The following MECOM variants were observed in gnomAD, a reference collection of about 807,000 sequenced individuals.
MECOM encodes the protein histone-lysine N-methyltransferase MECOM.
Under a neutral mutation model 116.3 loss-of-function variants are expected in MECOM, and 13 were observed. The ratio of observed to expected loss-of-function variants is 0.11; its 90% CI spans 0.07 to 0.18. MECOM has a LOEUF of 0.18. Ranked by LOEUF, MECOM falls within the 10% of genes least tolerant of loss-of-function variation. The probability of loss-of-function intolerance (pLI) is 1.00; values close to 1 mark genes in which losing one functional copy is unlikely to be tolerated. For missense variants in MECOM, 1,299 were observed against 1,509.0 expected (o/e 0.86, Z 2.31); for synonymous variants, 528 against 535.2 (o/e 0.99, Z 0.19).
chr3:169,599,669 A>C (rs1042376326), intron 1 of MECOM, among the ~76,000 whole-genome samples: 4 of 152,190 alleles, frequency 2.6e-5, no homozygotes, highest in Non-Finnish European at 5.9e-5. Context: ...TCTCACTGGG[A>C]ATGGTTGAGA....
chr3:169,596,316 AAAC>A (rs982860562), intron 1 of MECOM, among the ~76,000 whole-genome samples: 1 of 152,194 alleles, frequency 6.6e-6, no homozygotes, highest in African/African-American at 2.4e-5. Flanking sequence ...ACAGAACATG[AAAC>A]AAGAGAAGGA....
chr3:169,274,045 G>A (rs2149663512), intron 2 of MECOM, among the ~76,000 whole-genome samples: 2 of 151,592 alleles, frequency 1.3e-5, no homozygotes, highest in Middle Eastern at 6.8e-3. Context: ...CCAAGTAGCT[G>A]GGATTACAGG....
intron 2 of MECOM, among the ~76,000 whole-genome samples, chr3:169,295,614 A>T (rs1334764865): frequency 6.6e-6 from 1 of 152,208 alleles, no homozygotes; most frequent in African/African-American, 2.4e-5. Flanking sequence ...ATAAACTAGT[A>T]GCATTCTCTC....
At chr3:169,438,720 A>G (rs1217678593) in intron 1 of MECOM, among the ~76,000 whole-genome samples, 1 of 152,200 alleles carries the variant, frequency 6.6e-6, no homozygotes, top group Non-Finnish European at 1.5e-5. Flanking sequence ...CACAGCCAGC[A>G]CGTGAAGAAA....
At chr3:169,216,577 T>TAAAAAAAAAAAA (rs527868465) in intron 2 of MECOM, among the ~76,000 whole-genome samples, 1 of 133,800 alleles carries the variant, frequency 7.5e-6, no homozygotes. Context: ...CCTTCTCTAG[T>TAAAAAAAAAAAA]AAAAAAAAAA....
At chr3:169,412,192 G>A (rs12629435) in intron 1 of MECOM, among the ~76,000 whole-genome samples, 6,679 of 149,810 alleles carry the variant, frequency 0.045, 455 homozygotes, top group Admixed American at 0.19. Flanking sequence ...AGGCTGAGGC[G>A]GGAAAATCAC....
At chr3:169,443,294 A>G (rs1382047709) in intron 1 of MECOM, among the ~76,000 whole-genome samples, 1 of 151,782 alleles carries the variant, frequency 6.6e-6, no homozygotes, top group East Asian at 1.9e-4. Context: ...TCCCTTCATT[A>G]CCCTCACTCA....
rs138555993 is a variant in MECOM at position 169,340,695 on chromosome 3, A to C, written c.375+40492T>G. ...TTCTACACAATTAAAATGTTTTAAA[A>C]ATACATTTAGCCATTTGTTACTAAA... On this transcript the variant is annotated intron_variant, in intron 2 of 16. Coordinates refer to ENST00000651503, the MANE Select transcript of MECOM (RefSeq NM_004991.4). 7.5e-4 allele frequency among the ~76,000 whole-genome samples: 115 copies of C among 152,334 alleles called. 1 individual carries two copies. The highest frequency in any genetic ancestry group is 2.6e-3 in the African/African-American group (107 of 41,586).
chr3:169,343,618 G>A (rs940606934), intron 2 of MECOM, among the ~76,000 whole-genome samples: 7 of 152,150 alleles, frequency 4.6e-5, no homozygotes. Flanking sequence ...ATAGAAAATT[G>A]TCAGTGTTGC....
At chr3:169,542,993 G>T (rs146263216) in intron 1 of MECOM, among the ~76,000 whole-genome samples, 4 of 152,186 alleles carry the variant, frequency 2.6e-5, no homozygotes, top group Admixed American at 6.5e-5. Flanking sequence ...TCTATTTTCC[G>T]AAAGTCAACA....
chr3:169,538,203 A>T (rs1200371558), intron 1 of MECOM, among the ~76,000 whole-genome samples: 2 of 152,198 alleles, frequency 1.3e-5, no homozygotes, highest in East Asian at 3.8e-4. Flanking sequence ...GCCTCCAGTC[A>T]AATAAAACTT....
intron 1 of MECOM, among the ~76,000 whole-genome samples, chr3:169,645,587 A>G (rs534122451): frequency 1.3e-5 from 2 of 152,154 alleles, no homozygotes; most frequent in African/African-American, 4.8e-5. Context: ...ACAAACATCC[A>G]CTCTCTTTGA....
chr3:169,089,199 G>T lies in MECOM; in HGVS notation c.3402-16C>A, dbSNP rs1981745. 1 of 1,451,628 alleles carries T rather than the reference G, an allele frequency of 6.9e-7. No homozygotes were observed. The highest frequency in any genetic ancestry group is 1.6e-5 in the South Asian group (1 of 63,166). The allele number at this position is 1,451,628 out of a possible 1,614,324, so 89.9% of individuals were successfully genotyped here. A position where few individuals can be genotyped will look rare whatever the true frequency, so the allele number is the denominator to read the frequency against. On this transcript the variant is annotated splice_polypyrimidine_tract_variant and intron_variant, in intron 15 of 16. Coordinates refer to ENST00000651503, the MANE Select transcript of MECOM (RefSeq NM_004991.4). The stretch of plus-strand genomic sequence containing the variant: ...CTCTTTATACCTAAAATGAACCAAC[G>T]AAAAACACAGAAATTTTCTTTTCAT...
At chr3:169,282,233 C>A (rs1471288424) in intron 2 of MECOM, among the ~76,000 whole-genome samples, 1 of 152,110 alleles carries the variant, frequency 6.6e-6, no homozygotes, top group Non-Finnish European at 1.5e-5. Context: ...GAAATGAGAT[C>A]AACCAGATAA....
intron 2 of MECOM, among the ~76,000 whole-genome samples, chr3:169,218,619 T>A (rs1577375912): frequency 6.6e-6 from 1 of 152,174 alleles, no homozygotes; most frequent in African/African-American, 2.4e-5. Flanking sequence ...ACACAGTGAC[T>A]TCAGAACTTG....
chr3:169,380,057 A>C (rs1732139978), intron 2 of MECOM, among the ~76,000 whole-genome samples: 1 of 152,138 alleles, frequency 6.6e-6, no homozygotes, highest in Non-Finnish European at 1.5e-5. Context: ...TTATTATGGC[A>C]TTTTGAACAG....
intron 6 of MECOM, among the ~76,000 whole-genome samples, chr3:169,121,712 A>C (rs1003077270): frequency 1.3e-5 from 2 of 152,210 alleles, no homozygotes; most frequent in Non-Finnish European, 2.9e-5. Flanking sequence ...ACATTGTACT[A>C]AAAACAAAAA....
chr3:169,347,830 C>T (rs1457786785), intron 2 of MECOM, among the ~76,000 whole-genome samples: 3 of 151,950 alleles, frequency 2.0e-5, no homozygotes, highest in Admixed American at 6.6e-5. Context: ...CACATAAACG[C>T]CCAATAAATA....
intron 1 of MECOM, among the ~76,000 whole-genome samples, chr3:169,658,271 A>AT (rs1775774922): frequency 6.6e-6 from 1 of 152,188 alleles, no homozygotes; most frequent in Non-Finnish European, 1.5e-5. Context: ...CACTCCAAAA[A>AT]AATGTACCTG....
Sources: allele counts gnomAD v4.1 joint callset (sites outside exome capture counted in the v4.1 genomes callset), GRCh38; gene constraint gnomAD v4.1.1; transcripts MANE v1.5; gene names NCBI Gene and HGNC (gene_info 2026-07-23, HGNC 2026-07-21).